Variants in SLC44A3 observed in about 807,000 individuals in gnomAD.
SLC44A3 encodes the protein solute carrier family 44 member 3.
SLC44A3 carries 74 observed loss-of-function variants against 75.4 expected under a neutral mutation model. The observed-to-expected ratio is 0.98, with a 90% CI of 0.81 to 1.19. The LOEUF (loss-of-function observed/expected upper bound fraction) is 1.19. Ranked by LOEUF, SLC44A3 falls within the 50% of genes most tolerant of loss-of-function variation. The pLI is 0.00. For synonymous variants in SLC44A3, 310 were observed against 296.9 expected, an observed-to-expected ratio of 1.04 and a Z score of -0.45; for missense variants, 700 against 778.6, an observed-to-expected ratio of 0.90 and a Z score of 1.20.
intron 2 of SLC44A3, among the ~76,000 whole-genome samples, chr1:94,823,255 C>T (rs950976470): frequency 1.3e-5 from 2 of 152,156 alleles, no homozygotes; most frequent in East Asian, 1.9e-4. Flanking sequence ...CTCGAAAGGA[C>T]GAGACAAGCA....
At chr1:94,869,907 T>C (rs1182054694) in intron 12 of SLC44A3, among the ~76,000 whole-genome samples, 1 of 152,194 alleles carries the variant, frequency 6.6e-6, no homozygotes, top group Non-Finnish European at 1.5e-5. Flanking sequence ...AGCTGGAAAA[T>C]ACTAAAAGAG....
intron 12 of SLC44A3, among the ~76,000 whole-genome samples, chr1:94,881,863 A>T (rs1306634225): frequency 1.4e-5 from 2 of 146,032 alleles, no homozygotes; most frequent in East Asian, 4.1e-4. Flanking sequence ...ATACAAAAAA[A>T]AAAAAAATTA....
chr1:94,879,393 G>A (rs1668686544), intron 12 of SLC44A3, among the ~76,000 whole-genome samples: 1 of 151,902 alleles, frequency 6.6e-6, no homozygotes, highest in African/African-American at 2.4e-5. Context: ...TTAGCCAGGT[G>A]TGGTGGTGCA....
At chr1:94,867,561 A>G (rs1420567338) in intron 12 of SLC44A3, 144 bp downstream of exon 12, 1 of 493,400 alleles carries the variant, frequency 2.0e-6, no homozygotes, top group East Asian at 3.3e-5. Context: ...CTCTGTCACA[A>G]CCACTCAATT....
rs1571475497 is a variant in SLC44A3, at chr1:94,888,747, T to TTTTTTTTTTTTTTTG, written c.1483-2383_1483-2382insTTTTTTTTTTTTTTG. ...TTTCCAGCCTTTTGTCTTTTTTTTTTGAGGCGGAGTCTCGCTCTGTCACCC... is the reference window on the plus strand; with the variant it reads ...TTTCCAGCCTTTTGTCTTTTTTTTTTTTTTTTTTTTTTTTGGAGGCGGAGTCTCGCTCTGTCACCC... On this transcript the variant is annotated intron_variant, in intron 12 of 14. Coordinates refer to ENST00000271227, the MANE Select transcript of SLC44A3 (RefSeq NM_001114106.3). 6 of 980,694 alleles carry TTTTTTTTTTTTTTTG rather than the reference T, an allele frequency of 6.1e-6. No homozygotes were observed. The African/African-American group carries it at 8.9e-5, about 14-fold the overall frequency. The allele number at this position is 980,694 out of a possible 1,614,324, so 60.7% of individuals were successfully genotyped here.
intron 7 of SLC44A3, among the ~76,000 whole-genome samples, chr1:94,840,478 C>T (rs1017668609): frequency 2.6e-5 from 4 of 151,586 alleles, no homozygotes; most frequent in Non-Finnish European, 5.9e-5. Context: ...TTTGTAGAGA[C>T]GGGGTTTTGC....
intron 9 of SLC44A3, among the ~76,000 whole-genome samples, chr1:94,849,513 C>G (rs1249283133): frequency 6.6e-6 from 1 of 152,142 alleles, no homozygotes; most frequent in Non-Finnish European, 1.5e-5. Context: ...AGATCAGCAG[C>G]TGAATCACTT....
intron 3 of SLC44A3, chr1:94,825,705 A>G (rs1661221809): frequency 8.3e-6 from 3 of 362,544 alleles, no homozygotes; most frequent in Non-Finnish European, 1.1e-5. Flanking sequence ...AATCCTGAAT[A>G]TAAGTTTGGA....
intron 1 of SLC44A3, chr1:94,820,683 G>A: frequency 7.3e-7 from 1 of 1,377,730 alleles, no homozygotes; most frequent in Non-Finnish European, 9.3e-7. Flanking sequence ...GACGCGGGCC[G>A]CGGGGCGCAA....
At chr1:94,824,093 A>G (rs895864455) in intron 2 of SLC44A3, among the ~76,000 whole-genome samples, 3 of 145,606 alleles carry the variant, frequency 2.1e-5, no homozygotes, top group African/African-American at 7.6e-5. Flanking sequence ...AAAGTAGTAG[A>G]AAAAAAAAAA....
chr1:94,833,489 G>T (rs1662400235), intron 5 of SLC44A3, among the ~76,000 whole-genome samples: 1 of 152,098 alleles, frequency 6.6e-6, no homozygotes, highest in African/African-American at 2.4e-5. Flanking sequence ...GACACGATCG[G>T]TGGCACCCCA....
chr1:94,844,529 A>G (rs188017060), intron 8 of SLC44A3, among the ~76,000 whole-genome samples: 128 of 152,324 alleles, frequency 8.4e-4, no homozygotes, highest in African/African-American at 2.9e-3. Flanking sequence ...CCAAGGGAGG[A>G]AAATGTTTCG....
intron 7 of SLC44A3, among the ~76,000 whole-genome samples, chr1:94,841,508 A>G (rs1663638421): frequency 6.6e-6 from 1 of 152,170 alleles, no homozygotes; most frequent in Non-Finnish European, 1.5e-5. Flanking sequence ...GAGTACTTGC[A>G]ATGTCAGGGC....
intron 9 of SLC44A3, among the ~76,000 whole-genome samples, chr1:94,848,228 CA>C (rs11372681): frequency 0.028 from 3,870 of 138,970 alleles, 202 homozygotes; most frequent in African/African-American, 0.098. Context: ...GACTCTGTCT[CA>C]AAAAAAAAAA....
At chr1:94,835,870 G>A (rs1311165465) in intron 5 of SLC44A3, among the ~76,000 whole-genome samples, 1 of 152,216 alleles carries the variant, frequency 6.6e-6, no homozygotes, top group Admixed American at 6.5e-5. Flanking sequence ...CAAGGACAAG[G>A]AAAGGCAATT....
At chr1:94,859,726 C>T (rs980790808) in intron 10 of SLC44A3, among the ~76,000 whole-genome samples, 29 of 152,132 alleles carry the variant, frequency 1.9e-4, no homozygotes, top group Non-Finnish European at 5.9e-5. Flanking sequence ...AGTCTCTGTA[C>T]TGAAAGCAGG....
intron 12 of SLC44A3, among the ~76,000 whole-genome samples, chr1:94,871,848 T>A (rs859092): frequency 0.45 from 69,142 of 152,192 alleles, 16,404 homozygotes; most frequent in South Asian, 0.57. Context: ...GTGTTCTTTA[T>A]AAATCCAAAT....
intron 11 of SLC44A3, 61 bp from the exon 12 acceptor site, chr1:94,867,270 C>A: frequency 7.1e-7 from 1 of 1,412,022 alleles, no homozygotes; most frequent in South Asian, 1.5e-5. Flanking sequence ...CAGAAACTGC[C>A]TGCTTTTCTT....
At chr1:94,893,056 T>C (rs1670398000) in intron 14 of SLC44A3, among the ~76,000 whole-genome samples, 1 of 152,206 alleles carries the variant, frequency 6.6e-6, no homozygotes, top group Non-Finnish European at 1.5e-5. Flanking sequence ...GGAGCGCCCA[T>C]ACTGCTTATA....
Sources: gnomAD v4.1 joint callset for allele counts (sites outside exome capture counted in the v4.1 genomes callset) on GRCh38, gnomAD v4.1.1 for gene constraint, MANE v1.5 for transcripts, NCBI Gene and HGNC (gene_info 2026-07-23, HGNC 2026-07-21) for gene names.